The following PUDP variants were observed in gnomAD, a reference collection of about 807,000 sequenced individuals.
The protein encoded by PUDP is pseudouridine 5'-phosphatase.
PUDP carries 8 observed loss-of-function variants against 9.4 expected under a neutral mutation model. The ratio of observed to expected loss-of-function variants is 0.85; its 90% CI spans 0.50 to 1.53. The LOEUF is 1.53. Ranked by LOEUF, PUDP falls within the 40% of genes most tolerant of loss-of-function variation. The pLI, the probability that PUDP is intolerant of heterozygous loss-of-function variation, is 0.00. For missense variants in PUDP, 188 were observed against 189.7 expected, an observed-to-expected ratio of 0.99 and a Z score of 0.05; for synonymous variants, 99 against 80.7, an observed-to-expected ratio of 1.23 and a Z score of -1.22.
intron 3 of PUDP, among the ~76,000 whole-genome samples, chrX:6,813,501 G>T (rs1378378816): frequency 2.7e-5 from 3 of 111,429 alleles, no homozygotes; most frequent in African/African-American, 9.8e-5. Context: ...AACCCACCCA[G>T]TAGCCAGTCT....
At chrX:6,721,191 G>GA (rs760884423) in intron 1 of PUDP, among the ~76,000 whole-genome samples, 292 of 111,924 alleles carry the variant, frequency 2.6e-3, no homozygotes, top group African/African-American at 8.2e-3. Context: ...ATGATTTAAT[G>GA]AAAAAAATGA....
intron 3 of PUDP, among the ~76,000 whole-genome samples, chrX:6,884,671 A>G (rs932562852): frequency 1.8e-5 from 2 of 112,125 alleles, no homozygotes; most frequent in Non-Finnish European, 3.8e-5. Flanking sequence ...CGAAAGCGCT[A>G]AGCCCAGAAA....
chrX:7,024,754 C>CTTTTTTTTTTTT lies in PUDP; in HGVS notation c.205-46423_205-46412dup, dbSNP rs55692944. ...GGCGCTCGCCACCTCGCCCGGCTAA[C>CTTTTTTTTTTTT]TTTTTTTTTTTTTTTTTTAGTAGAG... On this transcript the variant is annotated intron_variant and NMD_transcript_variant, in intron 1 of 3. Transcript: ENST00000655425. Among the ~76,000 whole-genome samples, 24 of 54,452 alleles carry CTTTTTTTTTTTT rather than the reference C, an allele frequency of 4.4e-4. 5 individuals are homozygous for CTTTTTTTTTTTT. The highest frequency in any genetic ancestry group is 2.1e-3 in the East Asian group (3 of 1,405). The allele number at this position is 54,452 out of a possible 115,157, so 47.3% of individuals were successfully genotyped here. A position where few individuals can be genotyped will look rare whatever the true frequency, so the allele number is the denominator to read the frequency against.
At chrX:6,831,856 A>T (rs1325952531) in intron 3 of PUDP, among the ~76,000 whole-genome samples, 2 of 111,972 alleles carry the variant, frequency 1.8e-5, no homozygotes, top group African/African-American at 6.5e-5. Context: ...CCAAACAAGC[A>T]AGACATAATC....
chrX:7,057,103 C>T (rs1385106851), intron 3 of PUDP, among the ~76,000 whole-genome samples: 3 of 112,418 alleles, frequency 2.7e-5, no homozygotes, highest in East Asian at 2.8e-4. Flanking sequence ...AGCGCAGCAG[C>T]GACCTGGGGA....
intron 1 of PUDP, among the ~76,000 whole-genome samples, chrX:7,011,438 ACT>A (rs1281605241): frequency 9.0e-6 from 1 of 110,516 alleles, no homozygotes; most frequent in African/African-American, 3.3e-5. Flanking sequence ...CTGTATGCTG[ACT>A]CTGTCATTTC....
At chrX:6,941,875 C>A (rs1928404595) in intron 3 of PUDP, among the ~76,000 whole-genome samples, 1 of 112,039 alleles carries the variant, frequency 8.9e-6, no homozygotes, top group Non-Finnish European at 1.9e-5. Context: ...GATCTACTCT[C>A]TAGAAAGAAA....
At chrX:6,903,539 T>C (rs984204532) in intron 3 of PUDP, among the ~76,000 whole-genome samples, 2 of 111,489 alleles carry the variant, frequency 1.8e-5, no homozygotes, top group African/African-American at 3.3e-5. Context: ...AGAACCAACA[T>C]AGTGTCCATC....
chrX:6,882,461 G>C (rs1302922397), intron 3 of PUDP, among the ~76,000 whole-genome samples: 1 of 111,705 alleles, frequency 9.0e-6, no homozygotes, highest in Non-Finnish European at 1.9e-5. Flanking sequence ...TGTCATGGCT[G>C]TCTGTGTTTG....
intron 2 of PUDP, among the ~76,000 whole-genome samples, chrX:7,102,386 C>T (rs1301381012): frequency 1.8e-5 from 2 of 108,184 alleles, no homozygotes; most frequent in Non-Finnish European, 3.8e-5. Flanking sequence ...GCTCCAACAC[C>T]CTTTCACGAT....
At chrX:7,019,820 TAA>T (rs1929605190) in intron 1 of PUDP, among the ~76,000 whole-genome samples, 1 of 111,864 alleles carries the variant, frequency 8.9e-6, no homozygotes, top group Non-Finnish European at 1.9e-5. Context: ...TTTCTCCAAC[TAA>T]TTTTGCCTTT....
Position 6,989,338 on chromosome X carries a change from T to A in PUDP, c.205-10995A>T, listed in dbSNP as rs1461138670. On this transcript the variant is annotated intron_variant and NMD_transcript_variant, in intron 1 of 3. Coordinates refer to the PUDP transcript ENST00000655425. Reference sequence around the variant, plus strand: ...TTTTGGATTTTTAAAAATGCAGATCTTTGTAAAAATGGAGAAGACCATCAT... The same window carrying A: ...TTTTGGATTTTTAAAAATGCAGATCATTGTAAAAATGGAGAAGACCATCAT... 5.0e-5 allele frequency: 6 copies of A among 119,667 alleles called. No homozygotes were observed. In the Admixed American group the frequency reaches 5.2e-4, roughly 10 times the overall value. 9.9% of individuals were successfully genotyped at this position (119,667 alleles called of 1,213,427 possible).
At chrX:6,749,053 G>A (rs1029931825) in intron 3 of PUDP, among the ~76,000 whole-genome samples, 3 of 111,922 alleles carry the variant, frequency 2.7e-5, no homozygotes, top group African/African-American at 9.8e-5. Context: ...CCCCAGAGGC[G>A]GCAGTGAAGA....
chrX:6,775,494 TAC>T (rs1212128491), intron 3 of PUDP, among the ~76,000 whole-genome samples: 1 of 50,214 alleles, frequency 2.0e-5, no homozygotes, highest in Non-Finnish European at 4.2e-5. Flanking sequence ...TACACACATA[TAC>T]ACACACATAC....
intron 1 of PUDP, among the ~76,000 whole-genome samples, chrX:6,720,258 G>GTGTGTGTATATA (rs1555907522): frequency 4.3e-4 from 21 of 48,801 alleles, no homozygotes; most frequent in African/African-American, 2.2e-3. Context: ...GTGTGTGTGT[G>GTGTGTGTATATA]TATATATATA....
chrX:6,781,750 T>A (rs1475663211), intron 3 of PUDP, among the ~76,000 whole-genome samples: 1 of 112,473 alleles, frequency 8.9e-6, no homozygotes, highest in African/African-American at 3.2e-5. Context: ...TCCTTAGCAA[T>A]GCCTGGCAAT....
At chrX:6,994,973 A>C (rs765993895) in intron 1 of PUDP, among the ~76,000 whole-genome samples, 2 of 111,254 alleles carry the variant, frequency 1.8e-5, no homozygotes, top group African/African-American at 6.5e-5. Flanking sequence ...TATAGGAAAA[A>C]AGTCAAAATA....
At chrX:7,027,608 T>C (rs1184481407) in intron 1 of PUDP, among the ~76,000 whole-genome samples, 1 of 100,061 alleles carries the variant, frequency 1.0e-5, no homozygotes, top group East Asian at 3.1e-4. Flanking sequence ...TATATATATA[T>C]GAGAATATAG....
intron 1 of PUDP, among the ~76,000 whole-genome samples, chrX:6,707,869 C>T (rs1011189673): frequency 1.6e-4 from 18 of 112,064 alleles, no homozygotes; most frequent in Non-Finnish European, 3.2e-4. Flanking sequence ...TAATGGCAGC[C>T]TATGAAGTTG....
Sources: allele counts gnomAD v4.1 joint callset (sites outside exome capture counted in the v4.1 genomes callset), GRCh38; gene constraint gnomAD v4.1.1; transcripts MANE v1.5; gene names NCBI Gene and HGNC (gene_info 2026-07-23, HGNC 2026-07-21).